The following NRXN3 variants were observed in gnomAD, a reference collection of about 807,000 sequenced individuals.
The protein encoded by NRXN3 is neurexin 3, also known as neurexin III.
In NRXN3, 32 loss-of-function variants were observed where a neutral mutation model predicts 137.6. The observed-to-expected ratio is 0.23, with a 90% CI of 0.18 to 0.31. The LOEUF is 0.31. NRXN3 is among the 10% of genes least tolerant of loss of function. The probability of loss-of-function intolerance (pLI) is 1.00; values close to 1 mark genes in which losing one functional copy is unlikely to be tolerated. For missense variants in NRXN3, 1,574 were observed against 2,062.5 expected (o/e 0.76, Z 4.59); for synonymous variants, 798 against 784.5 (o/e 1.02, Z -0.29).
intron 8 of NRXN3, among the ~76,000 whole-genome samples, chr14:78,783,286 A>G (rs1442552387): frequency 6.6e-6 from 1 of 152,162 alleles, no homozygotes; most frequent in Non-Finnish European, 1.5e-5. Context: ...AAAAACATGT[A>G]ACTTCTCTCC....
chr14:79,754,420 A>G (rs976520740), intron 19 of NRXN3, among the ~76,000 whole-genome samples: 3 of 148,788 alleles, frequency 2.0e-5, no homozygotes, highest in African/African-American at 7.4e-5. Flanking sequence ...GGACTTGAAC[A>G]TCTCCAGATT....
chr14:79,450,486 G>C (rs995707654), intron 15 of NRXN3, among the ~76,000 whole-genome samples: 1 of 152,110 alleles, frequency 6.6e-6, no homozygotes, highest in Admixed American at 6.6e-5. Flanking sequence ...TAATTAGCTT[G>C]ATTTACATCA....
At chr14:78,812,692 T>C (rs2098918058) in intron 10 of NRXN3, among the ~76,000 whole-genome samples, 1 of 152,142 alleles carries the variant, frequency 6.6e-6, no homozygotes, top group African/African-American at 2.4e-5. Context: ...AAAAACAGCA[T>C]TGAGAGGAAA....
intron 8 of NRXN3, among the ~76,000 whole-genome samples, chr14:78,775,542 C>T (rs547840326): frequency 1.4e-4 from 21 of 152,178 alleles, no homozygotes; most frequent in South Asian, 4.2e-4. Flanking sequence ...ATTCTTCTTC[C>T]GATGTGACCC....
At chr14:78,932,159 A>ATTAC (rs2099324000) in intron 10 of NRXN3, among the ~76,000 whole-genome samples, 1 of 152,054 alleles carries the variant, frequency 6.6e-6, no homozygotes, top group Non-Finnish European at 1.5e-5. Flanking sequence ...TAATTAATTA[A>ATTAC]TTAATTTTTT....
chr14:79,418,144 G>A (rs1235259855), intron 15 of NRXN3, among the ~76,000 whole-genome samples: 1 of 152,130 alleles, frequency 6.6e-6, no homozygotes, highest in African/African-American at 2.4e-5. Flanking sequence ...TATGCATGAA[G>A]CATGAGGGAA....
At chr14:79,808,864 G>A (rs1018218544) in intron 20 of NRXN3, among the ~76,000 whole-genome samples, 15 of 151,904 alleles carry the variant, frequency 9.9e-5, no homozygotes, top group East Asian at 1.9e-4. Context: ...ATAAGCAATC[G>A]CCTTTCACTC....
intron 8 of NRXN3, among the ~76,000 whole-genome samples, chr14:78,783,824 T>A (rs895101451): frequency 1.3e-5 from 2 of 152,020 alleles, no homozygotes; most frequent in Non-Finnish European, 2.9e-5. Flanking sequence ...ATGTACCAGA[T>A]AGAAGGCCAT....
At chr14:79,540,072 A>G (rs1283602877) in intron 16 of NRXN3, among the ~76,000 whole-genome samples, 3 of 152,180 alleles carry the variant, frequency 2.0e-5, no homozygotes, top group Non-Finnish European at 4.4e-5. Context: ...GTTCTAATGA[A>G]TAGAAGCAGT....
intron 4 of NRXN3, among the ~76,000 whole-genome samples, chr14:78,551,403 C>T (rs1315417024): frequency 1.3e-5 from 2 of 152,148 alleles, no homozygotes; most frequent in Admixed American, 6.5e-5. Flanking sequence ...TCACAACTCT[C>T]ATAAAGTTTG....
chr14:78,416,329 G>A (rs1209132301), intron 4 of NRXN3, among the ~76,000 whole-genome samples: 6 of 152,168 alleles, frequency 3.9e-5, no homozygotes, highest in African/African-American at 1.4e-4. Context: ...GAGGACCTGG[G>A]GCTTCAGTTG....
chr14:78,375,750 C>G (rs1414190549), intron 4 of NRXN3, among the ~76,000 whole-genome samples: 1 of 152,130 alleles, frequency 6.6e-6, no homozygotes, highest in Non-Finnish European at 1.5e-5. Flanking sequence ...AAGTAAGTGG[C>G]ATTTTATCTG....
chr14:78,987,390 A>G (rs1212460803), intron 14 of NRXN3, among the ~76,000 whole-genome samples: 1 of 152,162 alleles, frequency 6.6e-6, no homozygotes, highest in African/African-American at 2.4e-5. Flanking sequence ...AAATCTGTAA[A>G]GTGGAGGTAA....
At chr14:79,811,578 T>C (rs1214052517) in intron 20 of NRXN3, among the ~76,000 whole-genome samples, 2 of 134,982 alleles carry the variant, frequency 1.5e-5, no homozygotes, top group Non-Finnish European at 3.2e-5. Context: ...TTTTTTCTTT[T>C]TTCTTTTTTT....
chr14:78,797,307 G>C (rs752722953), intron 8 of NRXN3, among the ~76,000 whole-genome samples: 2 of 152,082 alleles, frequency 1.3e-5, no homozygotes, highest in African/African-American at 2.4e-5. Flanking sequence ...CTAAAGTCCA[G>C]CTTTCAATAA....
intron 15 of NRXN3, among the ~76,000 whole-genome samples, chr14:79,140,898 T>C (rs189103265): frequency 9.5e-4 from 144 of 152,244 alleles, no homozygotes; most frequent in Middle Eastern, 6.8e-3. Context: ...TTCTTGTGTG[T>C]CCTGAATAAA....
At position 78,968,309 on chromosome 14, in the gene NRXN3, T is replaced by C; in HGVS notation, c.3105T>C (p.Ala1035=). ...NGRLPDLIND[A]LHRSGQIERG... is the part of the protein sequence containing the mutation. ...GCCTGCCAGACCTCATCAATGATGC[T>C]CTTCATCGGAGCGGACAGATCGAGC... Residue 1035 remains alanine (A), a synonymous_variant, in exon 14 of 21, where the codon GCT becomes GCC. Transcript: ENST00000335750. 6.2e-7 allele frequency: 1 copy of C among 1,614,032 alleles called. No individual in the cohort carries two copies. Among genetic ancestry groups the C allele is most frequent in the Non-Finnish European group, 8.5e-7 (1 of 1,179,954 alleles).
At chr14:79,698,789 T>G (rs2098744224) in intron 19 of NRXN3, among the ~76,000 whole-genome samples, 1 of 151,986 alleles carries the variant, frequency 6.6e-6, no homozygotes, top group African/African-American at 2.4e-5. Context: ...TATAGAAAAA[T>G]CAGTAGATTA....
At chr14:79,204,047 G>A (rs941402025) in intron 15 of NRXN3, among the ~76,000 whole-genome samples, 1 of 152,040 alleles carries the variant, frequency 6.6e-6, no homozygotes, top group South Asian at 2.1e-4. Flanking sequence ...TGGCTCTTGG[G>A]AGACAGTGCC....
Sources: gnomAD v4.1 joint callset for allele counts (sites outside exome capture counted in the v4.1 genomes callset) on GRCh38, gnomAD v4.1.1 for gene constraint, MANE v1.5 for transcripts, NCBI Gene and HGNC (gene_info 2026-07-23, HGNC 2026-07-21) for gene names.